The following NTM variants were observed in gnomAD, a reference collection of about 807,000 sequenced individuals.
The protein encoded by NTM is neurotrimin.
A neutral mutation model predicts 42.1 loss-of-function variants in NTM; 13 were observed. The observed-to-expected ratio is 0.31, with a 90% confidence interval of 0.20 to 0.49. The LOEUF (loss-of-function observed/expected upper bound fraction) is 0.49, where lower values mean the gene tolerates loss of function less well. Among genes scored for constraint, NTM ranks in the 20% least tolerant of loss-of-function variants. The probability of loss-of-function intolerance (pLI) is 0.99; values close to 1 mark genes in which losing one functional copy is unlikely to be tolerated. For missense variants in NTM, 373 were observed against 452.8 expected, an observed-to-expected ratio of 0.82 and a Z score of 1.60; for synonymous variants, 187 against 179.2, an observed-to-expected ratio of 1.04 and a Z score of -0.35.
intron 2 of NTM, among the ~76,000 whole-genome samples, chr11:131,969,197 C>T (rs570345951): frequency 1.3e-5 from 2 of 152,308 alleles, no homozygotes; most frequent in Admixed American, 6.5e-5. Flanking sequence ...CTTTCCTCCT[C>T]AAGGCTCAGT....
chr11:131,857,970 C>T (rs1227782906), intron 1 of NTM, among the ~76,000 whole-genome samples: 1 of 152,014 alleles, frequency 6.6e-6, no homozygotes, highest in African/African-American at 2.4e-5. Flanking sequence ...AGCTCTCCCC[C>T]TTTCTCTGTC....
chr11:131,653,096 C>G (rs1168207461), intron 1 of NTM, among the ~76,000 whole-genome samples: 1 of 152,224 alleles, frequency 6.6e-6, no homozygotes, highest in Non-Finnish European at 1.5e-5. Flanking sequence ...AGGCTTCCTT[C>G]ACCAGGTTCC....
At chr11:131,723,368 G>A (rs75376890) in intron 1 of NTM, among the ~76,000 whole-genome samples, 3 of 152,256 alleles carry the variant, frequency 2.0e-5, no homozygotes, top group African/African-American at 7.2e-5. Context: ...CTCAAGCGAT[G>A]TAGATTACGC....
chr11:132,128,549 A>G (rs949340111), intron 2 of NTM, among the ~76,000 whole-genome samples: 3 of 152,036 alleles, frequency 2.0e-5, no homozygotes, highest in Non-Finnish European at 4.4e-5. Context: ...AGAATCTTCC[A>G]GTGGGTTATA....
intron 1 of NTM, among the ~76,000 whole-genome samples, chr11:131,659,362 C>T (rs2067649283): frequency 6.6e-6 from 1 of 152,206 alleles, no homozygotes; most frequent in African/African-American, 2.4e-5. Flanking sequence ...CCTCCTGTCT[C>T]ACAGGTGAGA....
intron 1 of NTM, among the ~76,000 whole-genome samples, chr11:131,577,144 T>C (rs868731091): frequency 2.6e-5 from 4 of 152,202 alleles, no homozygotes; most frequent in African/African-American, 9.6e-5. Context: ...AGTTTCCTCA[T>C]TGGTAAACAG....
intron 2 of NTM, among the ~76,000 whole-genome samples, chr11:132,041,282 G>A (rs1019245612): frequency 8.6e-5 from 13 of 151,844 alleles, no homozygotes; most frequent in African/African-American, 2.9e-4. Flanking sequence ...TTTGTTTTGG[G>A]GATATCATTT....
chr11:131,373,748 A>T (rs1941546415), intron 1 of NTM, among the ~76,000 whole-genome samples: 1 of 152,028 alleles, frequency 6.6e-6, no homozygotes, highest in South Asian at 2.1e-4. Flanking sequence ...CCTTCGAAGG[A>T]TTATTGTTTC....
chr11:131,820,044 T>C (rs867572789), intron 1 of NTM, among the ~76,000 whole-genome samples: 2 of 152,224 alleles, frequency 1.3e-5, no homozygotes, highest in Non-Finnish European at 2.9e-5. Flanking sequence ...AAAGCAATTG[T>C]TGCATCTCTC....
intron 4 of NTM, among the ~76,000 whole-genome samples, chr11:132,277,861 C>T (rs1264668372): frequency 6.6e-6 from 1 of 152,270 alleles, no homozygotes; most frequent in Admixed American, 6.5e-5. Flanking sequence ...CTCTGTGCTA[C>T]TGTTTAATGA....
intron 1 of NTM, among the ~76,000 whole-genome samples, chr11:131,654,217 G>A (rs186354591): frequency 1.1e-4 from 17 of 152,294 alleles, no homozygotes; most frequent in Admixed American, 9.8e-4. Context: ...GAGGTCGTCT[G>A]CCTTTTCTTT....
intron 7 of NTM, among the ~76,000 whole-genome samples, chr11:132,325,420 T>G (rs2095658491): frequency 6.6e-6 from 1 of 152,202 alleles, no homozygotes; most frequent in African/African-American, 2.4e-5. Context: ...GAATAAATGC[T>G]CACCATCACT....
intron 2 of NTM, among the ~76,000 whole-genome samples, chr11:131,955,272 C>T (rs1183347114): frequency 6.6e-6 from 1 of 152,090 alleles, no homozygotes; most frequent in South Asian, 2.1e-4. Flanking sequence ...AAATGCCATG[C>T]CTTTGTTTTA....
At chr11:132,274,897 A>G (rs1313713862) in intron 4 of NTM, among the ~76,000 whole-genome samples, 3 of 152,126 alleles carry the variant, frequency 2.0e-5, no homozygotes, top group African/African-American at 7.2e-5. Context: ...TCATTTTTAC[A>G]TGGGCCACTT....
At chr11:131,604,261 C>A (rs538410661) in intron 1 of NTM, among the ~76,000 whole-genome samples, 1 of 152,202 alleles carries the variant, frequency 6.6e-6, no homozygotes, top group South Asian at 2.1e-4. Context: ...TTTTGATTTG[C>A]ATTTCCCTAA....
chr11:132,005,374 T>C (rs370155162), intron 2 of NTM, among the ~76,000 whole-genome samples: 3 of 152,176 alleles, frequency 2.0e-5, no homozygotes, highest in East Asian at 1.9e-4. Context: ...GTGGACATTG[T>C]CTTTACTGGA....
At chr11:131,734,277 G>T (rs1474987010) in intron 1 of NTM, among the ~76,000 whole-genome samples, 1 of 152,192 alleles carries the variant, frequency 6.6e-6, no homozygotes, top group Non-Finnish European at 1.5e-5. Context: ...TGGAGTGGCT[G>T]AATGGCCGCT....
At chr11:132,296,997 C>T (rs2094635842) in intron 4 of NTM, among the ~76,000 whole-genome samples, 1 of 152,272 alleles carries the variant, frequency 6.6e-6, no homozygotes, top group South Asian at 2.1e-4. Context: ...GTTACAAATA[C>T]AAGGGCTTTC....
At chr11:132,169,577 G>C (rs183397684) in intron 3 of NTM, among the ~76,000 whole-genome samples, 4 of 151,768 alleles carry the variant, frequency 2.6e-5, no homozygotes. Flanking sequence ...CTCATGATCT[G>C]CCCTCCTTGG....
Sources: gnomAD v4.1 joint callset for allele counts (sites outside exome capture counted in the v4.1 genomes callset) on GRCh38, gnomAD v4.1.1 for gene constraint, MANE v1.5 for transcripts, NCBI Gene and HGNC (gene_info 2026-07-23, HGNC 2026-07-21) for gene names.